DRC1: variants seen among roughly 807,000 people sequenced by gnomAD.
DRC1 encodes dynein regulatory complex protein 1.
DRC1 carries 74 observed loss-of-function variants against 98.7 expected under a neutral mutation model. That is an observed-to-expected ratio of 0.75 (90% CI 0.62 to 0.91). The LOEUF (loss-of-function observed/expected upper bound fraction) is 0.91, where lower values mean the gene tolerates loss of function less well. Ranked by LOEUF, DRC1 falls within the 40% of genes least tolerant of loss-of-function variation. The pLI, the probability that DRC1 is intolerant of heterozygous loss-of-function variation, is 0.00. For synonymous variants in DRC1, 336 were observed against 334.1 expected, an observed-to-expected ratio of 1.01 and a Z score of -0.06; for missense variants, 875 against 886.0, an observed-to-expected ratio of 0.99 and a Z score of 0.16.
rs780565261 is a variant in DRC1, at chr2:26,440,443, C to T, written c.954C>T (p.Tyr318=). 6.2e-7 allele frequency: 1 copy of T among 1,612,414 alleles called. No homozygotes were observed. Among genetic ancestry groups the T allele is most frequent in the Non-Finnish European group, 8.5e-7 (1 of 1,179,184 alleles). Residue 318 remains tyrosine, a synonymous_variant, in exon 8 of 17, where the codon TAC becomes TAT. Transcript: ENST00000288710. ...AGCTAAACCAAGAGAAATTAGAGTA[C>T]AACTTGCAGGTGCTGAAGAAGAGAG... ...IYQLNQEKLE[Y]NLQVLKKRDE...
chr2:26,412,287 G>C (rs1678638710), intron 1 of DRC1, among the ~76,000 whole-genome samples: 1 of 152,126 alleles, frequency 6.6e-6, no homozygotes, highest in African/African-American at 2.4e-5. Context: ...AGAATTGCTG[G>C]AACCCAGGAG....
rs961000688 is a variant in DRC1, at chr2:26,428,406, G to A, written c.541-1222G>A. On this transcript the variant is annotated intron_variant, in intron 4 of 16. Coordinates refer to ENST00000288710, the MANE Select transcript of DRC1 (RefSeq NM_145038.5). The stretch of plus-strand genomic sequence containing the variant: ...ATATGATATAACTAATTGCTCCTAG[G>A]CTACAAACCTGTCCGGAATGCTACT... Among the ~76,000 whole-genome samples the A allele has an allele frequency of 6.6e-5, 10 of 152,276 alleles. No homozygotes were observed. In the South Asian group the frequency reaches 1.7e-3, roughly 25 times the overall value.
At chr2:26,425,868 A>T (rs1663269413) in intron 4 of DRC1, among the ~76,000 whole-genome samples, 1 of 151,872 alleles carries the variant, frequency 6.6e-6, no homozygotes, top group Non-Finnish European at 1.5e-5. Flanking sequence ...TTGCCTTCTT[A>T]GTCTTGATTT....
chr2:26,435,645 C>T (rs1018411923), intron 7 of DRC1, among the ~76,000 whole-genome samples: 2 of 152,096 alleles, frequency 1.3e-5, no homozygotes, highest in Non-Finnish European at 2.9e-5. Flanking sequence ...ATTGGTCCCA[C>T]TTATAGTGAG....
At chr2:26,430,929 A>T in intron 6 of DRC1, 57 bp downstream of exon 6, 2 of 1,171,556 alleles carry the variant, frequency 1.7e-6, no homozygotes, top group South Asian at 1.5e-5. Flanking sequence ...TTTTATTGTG[A>T]CTGAATTTGC....
chr2:26,422,940 G>C (rs1458801960), intron 3 of DRC1, among the ~76,000 whole-genome samples: 3 of 147,238 alleles, frequency 2.0e-5, no homozygotes, highest in Non-Finnish European at 4.5e-5. Flanking sequence ...AAAAAAAAAA[G>C]GCAACCACTT....
intron 7 of DRC1, among the ~76,000 whole-genome samples, chr2:26,440,076 T>C (rs1663677587): frequency 6.6e-6 from 1 of 150,804 alleles, no homozygotes; most frequent in Non-Finnish European, 1.5e-5. Flanking sequence ...AAAGTTTCTT[T>C]TTATATTACT....
intron 4 of DRC1, among the ~76,000 whole-genome samples, chr2:26,426,298 T>A (rs1022572315): frequency 6.6e-6 from 1 of 152,140 alleles, no homozygotes; most frequent in Non-Finnish European, 1.5e-5. Context: ...GTTCCCTTGG[T>A]CTATATATCT....
At chr2:26,455,980 G>C (rs938909651) in intron 16 of DRC1, among the ~76,000 whole-genome samples, 9 of 152,354 alleles carry the variant, frequency 5.9e-5, no homozygotes, top group Middle Eastern at 3.4e-3. Flanking sequence ...CCAGCCACAG[G>C]GGCTGCGTGG....
At chr2:26,415,643 T>G (rs1359307629) in intron 2 of DRC1, among the ~76,000 whole-genome samples, 1 of 152,158 alleles carries the variant, frequency 6.6e-6, no homozygotes, top group African/African-American at 2.4e-5. Context: ...TAAAAGTCAG[T>G]GAGCTCAGCC....
chr2:26,409,924 A>C (rs1178512165), intron 1 of DRC1, among the ~76,000 whole-genome samples: 1 of 152,150 alleles, frequency 6.6e-6, no homozygotes, highest in Non-Finnish European at 1.5e-5. Flanking sequence ...AAAAGCACCT[A>C]AGAGGACATT....
Position 26,430,766 on chromosome 2 carries a change from T to G in DRC1, c.679-20T>G. ...CCCAATCAAAACAGATGCAAGAGTG[T>G]TTTTCCTTCTTGGTCGTAGAAAGCA... On this transcript the variant is annotated intron_variant, in intron 5 of 16. Coordinates refer to ENST00000288710, the MANE Select transcript of DRC1 (RefSeq NM_145038.5). The G allele has an allele frequency of 6.2e-7, 1 of 1,613,008 alleles. No individual in the cohort carries two copies. The highest frequency in any genetic ancestry group is 1.1e-5 in the South Asian group (1 of 91,052).
At chr2:26,418,679 AATTTATATTATATAT>A (rs1678927644) in intron 2 of DRC1, among the ~76,000 whole-genome samples, 1 of 88,130 alleles carries the variant, frequency 1.1e-5, no homozygotes, top group African/African-American at 4.4e-5. Flanking sequence ...AATTAAATAT[AATTTATATTATATAT>A]AAATTATATT....
At chr2:26,415,449 G>T (rs1040659298) in intron 2 of DRC1, among the ~76,000 whole-genome samples, 1 of 152,130 alleles carries the variant, frequency 6.6e-6, no homozygotes, top group African/African-American at 2.4e-5. Flanking sequence ...AAATATTCAC[G>T]TTGCTGAATA....
rs1463007620 is a variant in DRC1 at position 26,444,922 on chromosome 2, T to C, written c.1370T>C (p.Ile457Thr). Residue 457 changes from isoleucine to threonine, a missense_variant, in exon 10 of 17, where the codon ATA becomes ACA. Coordinates refer to ENST00000288710, the MANE Select transcript of DRC1 (RefSeq NM_145038.5). Reference protein sequence around the residue: ...SQQPQKSATQIVEEMLMRSEE... With the variant: ...SQQPQKSATQTVEEMLMRSEE... ...CAGCCCCAGAAGTCCGCCACACAGA[T>C]AGTAGAAGAAATGCTTATGCGCTCA... The C allele has an allele frequency of 6.2e-7, 1 of 1,614,110 alleles. No individual in the cohort carries two copies. The highest frequency in any genetic ancestry group is 1.1e-5 in the South Asian group (1 of 91,076).
intron 2 of DRC1, 90 bp from the exon 3 acceptor site, chr2:26,421,198 G>T: frequency 7.9e-6 from 9 of 1,141,926 alleles, no homozygotes; most frequent in Non-Finnish European, 1.1e-5. Flanking sequence ...ATGGATAGAA[G>T]CTGCGGACAG....
chr2:26,407,634 G>T (rs1425816474), intron 1 of DRC1, among the ~76,000 whole-genome samples: 1 of 151,834 alleles, frequency 6.6e-6, no homozygotes. Context: ...AGACTCCTTG[G>T]CTTACTTCGT....
intron 8 of DRC1, among the ~76,000 whole-genome samples, chr2:26,442,262 C>A (rs888514223): frequency 2.6e-4 from 39 of 152,304 alleles, no homozygotes; most frequent in African/African-American, 8.9e-4. Context: ...ACATTGACAA[C>A]ACTGAATTTT....
chr2:26,425,743 C>A (rs1339745037), intron 4 of DRC1, among the ~76,000 whole-genome samples: 2 of 152,000 alleles, frequency 1.3e-5, no homozygotes, highest in Non-Finnish European at 2.9e-5. Flanking sequence ...CTATTTAAAT[C>A]CTTTGCTTAT....
Sources: gnomAD v4.1 joint callset for allele counts (sites outside exome capture counted in the v4.1 genomes callset) on GRCh38, gnomAD v4.1.1 for gene constraint, MANE v1.5 for transcripts, NCBI Gene and HGNC (gene_info 2026-07-23, HGNC 2026-07-21) for gene names.